AFF3: variants seen among roughly 807,000 people sequenced by gnomAD.
AFF3 encodes the protein AF4/FMR2 family member 3.
In AFF3, 32 loss-of-function variants were observed where a neutral mutation model predicts 129.7. The ratio of observed to expected loss-of-function variants is 0.25; its 90% CI spans 0.19 to 0.33. The LOEUF is 0.33. Ranked by LOEUF, AFF3 falls within the 10% of genes least tolerant of loss-of-function variation. AFF3 has a pLI of 1.00. For synonymous variants in AFF3, 644 were observed against 635.4 expected (o/e 1.01, Z -0.20); for missense variants, 1,373 against 1,592.0 (o/e 0.86, Z 2.34).
intron 11 of AFF3, among the ~76,000 whole-genome samples, chr2:99,691,561 G>T (rs2104667132): frequency 9.1e-6 from 1 of 110,296 alleles, no homozygotes; most frequent in African/African-American, 3.1e-5. Flanking sequence ...ACAACCTAGA[G>T]AATTTTTTAG....
chr2:99,913,487 T>C (rs1558970187), intron 7 of AFF3, among the ~76,000 whole-genome samples: 1 of 152,220 alleles, frequency 6.6e-6, no homozygotes. Context: ...CTGAAGTAGA[T>C]GTGGACAGAT....
chr2:99,800,196 A>G (rs1685836955), intron 8 of AFF3, among the ~76,000 whole-genome samples: 1 of 152,232 alleles, frequency 6.6e-6, no homozygotes, highest in Admixed American at 6.5e-5. Context: ...TGAATGTAGA[A>G]CATATAAAAA....
intron 24 of AFF3, among the ~76,000 whole-genome samples, chr2:99,552,503 G>C (rs1344705297): frequency 1.3e-5 from 2 of 152,210 alleles, no homozygotes. Context: ...TCACAGTTTA[G>C]TGGCTGATAG....
At chr2:99,844,801 A>G (rs781442314) in intron 7 of AFF3, among the ~76,000 whole-genome samples, 12 of 152,080 alleles carry the variant, frequency 7.9e-5, no homozygotes, top group Non-Finnish European at 2.9e-5. Flanking sequence ...AACATGAGAA[A>G]ATGTTCATGG....
intron 4 of AFF3, among the ~76,000 whole-genome samples, chr2:100,060,346 A>G (rs1448231781): frequency 6.6e-6 from 1 of 152,186 alleles, no homozygotes; most frequent in African/African-American, 2.4e-5. Context: ...AGGAATGTCA[A>G]CTTGCCTAAG....
intron 7 of AFF3, among the ~76,000 whole-genome samples, chr2:99,992,264 G>A (rs1680426890): frequency 6.6e-6 from 1 of 152,062 alleles, no homozygotes. Flanking sequence ...AAACCTGTTG[G>A]TATAAAGATA....
intron 7 of AFF3, among the ~76,000 whole-genome samples, chr2:99,865,570 G>T (rs1044060307): frequency 1.4e-4 from 21 of 152,178 alleles, no homozygotes; most frequent in African/African-American, 4.8e-4. Context: ...GTCCAATGAT[G>T]AAACTCCAAG....
intron 4 of AFF3, among the ~76,000 whole-genome samples, chr2:100,095,620 C>T (rs1690220203): frequency 1.3e-5 from 2 of 152,222 alleles, no homozygotes; most frequent in South Asian, 2.1e-4. Context: ...CTGGGTTTCT[C>T]TTGTCAGTAG....
chr2:99,560,197 T>C (rs903422987), intron 21 of AFF3, among the ~76,000 whole-genome samples, 168 bp downstream of exon 21: 9 of 152,378 alleles, frequency 5.9e-5, no homozygotes, highest in South Asian at 2.1e-4. Flanking sequence ...TCAGATCATG[T>C]ATAGTACGGC....
chr2:99,737,218 T>C (rs1440583590), intron 10 of AFF3, among the ~76,000 whole-genome samples: 1 of 152,182 alleles, frequency 6.6e-6, no homozygotes, highest in Non-Finnish European at 1.5e-5. Flanking sequence ...TGCTATTGTT[T>C]TGTGGATTCC....
At chr2:99,846,188 G>A (rs543308223) in intron 7 of AFF3, among the ~76,000 whole-genome samples, 2 of 151,576 alleles carry the variant, frequency 1.3e-5, no homozygotes, top group African/African-American at 2.4e-5. Context: ...GGAGTGCAAC[G>A]GGGTGATCTT....
intron 12 of AFF3, among the ~76,000 whole-genome samples, chr2:99,672,233 T>C (rs4850913): frequency 0.17 from 3,026 of 17,844 alleles, 91 homozygotes; most frequent in East Asian, 0.26. Flanking sequence ...CACACACACA[T>C]GAATAAATAA....
chr2:99,717,581 T>C (rs150581287), intron 11 of AFF3, among the ~76,000 whole-genome samples: 3 of 152,356 alleles, frequency 2.0e-5, no homozygotes, highest in African/African-American at 4.8e-5. Context: ...AATTTTGTCA[T>C]TGAATTGTCA....
intron 2 of AFF3, among the ~76,000 whole-genome samples, chr2:100,111,386 C>T (rs546096524): frequency 6.6e-6 from 1 of 152,374 alleles, no homozygotes; most frequent in African/African-American, 2.4e-5. Flanking sequence ...TTGACTACTT[C>T]TGAGTTCACT....
intron 11 of AFF3, among the ~76,000 whole-genome samples, chr2:99,716,066 A>G (rs1463003778): frequency 1.3e-5 from 2 of 152,184 alleles, no homozygotes; most frequent in South Asian, 2.1e-4. Context: ...ATCTGTCTAC[A>G]AGCCTGTGTA....
At chr2:99,582,131 A>G (rs1277583578) in intron 17 of AFF3, among the ~76,000 whole-genome samples, 2 of 152,242 alleles carry the variant, frequency 1.3e-5, no homozygotes, top group Non-Finnish European at 2.9e-5. Context: ...CTGGGATTAC[A>G]GGCATGAGCC....
At chr2:99,971,221 C>T (rs1475816619) in intron 7 of AFF3, among the ~76,000 whole-genome samples, 1 of 152,184 alleles carries the variant, frequency 6.6e-6, no homozygotes, top group East Asian at 1.9e-4. Flanking sequence ...CCGTCCAGTT[C>T]CTCTTTCCTC....
At chr2:100,124,217 G>A (rs1045736100) in intron 2 of AFF3, among the ~76,000 whole-genome samples, 3 of 152,130 alleles carry the variant, frequency 2.0e-5, no homozygotes, top group Non-Finnish European at 4.4e-5. Flanking sequence ...AACATACAAG[G>A]CTGGAGTTGA....
intron 1 of AFF3, among the ~76,000 whole-genome samples, chr2:100,140,917 C>T (rs890781784): frequency 5.3e-5 from 8 of 152,158 alleles, no homozygotes; most frequent in African/African-American, 1.2e-4. Flanking sequence ...TCCCACCTTT[C>T]ACCTTTCCCA....
Sources: gnomAD v4.1 joint callset for allele counts (sites outside exome capture counted in the v4.1 genomes callset) on GRCh38, gnomAD v4.1.1 for gene constraint, MANE v1.5 for transcripts, NCBI Gene and HGNC (gene_info 2026-07-23, HGNC 2026-07-21) for gene names.